Variants in BAHCC1 observed in about 807,000 individuals in gnomAD.
BAHCC1 encodes the protein BAH and coiled-coil domain-containing protein 1.
BAHCC1 carries 43 observed loss-of-function variants against 88.2 expected under a neutral mutation model. That is an observed-to-expected ratio of 0.49 (90% CI 0.38 to 0.63). BAHCC1 has a LOEUF of 0.63. BAHCC1 is among the 20% of genes least tolerant of loss of function. The probability of loss-of-function intolerance (pLI) is 0.00; values close to 1 mark genes in which losing one functional copy is unlikely to be tolerated. For synonymous variants in BAHCC1, 1,510 were observed against 745.5 expected (o/e 2.03, Z -16.71); for missense variants, 3,023 against 1,654.8 (o/e 1.83, Z -14.34).
chr17:81,455,736 C>T (rs185686827), intron 15 of BAHCC1, among the ~76,000 whole-genome samples: 3 of 151,886 alleles, frequency 2.0e-5, no homozygotes, highest in African/African-American at 4.8e-5. Flanking sequence ...CTTGGTGTGG[C>T]GGGGGCTCCT....
rs2030619192 is a variant in BAHCC1, at chr17:81,465,169, GC to G, written c.*1356del. 1 of 152,350 alleles carries G rather than the reference GC, an allele frequency of 6.6e-6. No individual in the cohort carries two copies. Among genetic ancestry groups the G allele is most frequent in the Non-Finnish European group, 1.5e-5 (1 of 68,134 alleles). The allele number at this position is 152,350 out of a possible 1,614,324, so 9.4% of individuals were successfully genotyped here. The stretch of plus-strand genomic sequence containing the variant: ...AACGCAGGCCCTGCCCTTGGGGAAG[GC>G]CCCTTTCTGGGCCCCCTTTTCCACC... On this transcript the variant is annotated 3_prime_UTR_variant, in exon 28 of 28. Coordinates refer to ENST00000675386, the MANE Select transcript of BAHCC1 (RefSeq NM_001377448.1).
At chr17:81,418,761 G>A (rs2064068148) in intron 2 of BAHCC1, among the ~76,000 whole-genome samples, 1 of 149,098 alleles carries the variant, frequency 6.7e-6, no homozygotes, top group Non-Finnish European at 1.5e-5. Context: ...ACGTGTGTGT[G>A]TGTACGTGTG....
At position 81,435,792 on chromosome 17, in the gene BAHCC1, C is replaced by T. The variant is rs868988460; in HGVS notation, c.359-2578C>T. ...GATGCCTGTGTGTCCCCGGCCCGGC[C>T]GCAGCAGCCCTGCCTTCCCCCACTC... On this transcript the variant is annotated intron_variant, in intron 3 of 27. Coordinates refer to ENST00000675386, the MANE Select transcript of BAHCC1 (RefSeq NM_001377448.1). The surrounding 1 kb of genome is among the most constrained non-coding windows in gnomAD (Gnocchi z 4.4). Among the ~76,000 whole-genome samples, 9 of 151,990 alleles carry T rather than the reference C, an allele frequency of 5.9e-5. No homozygotes were observed. The South Asian group carries it at 1.2e-3, about 21-fold the overall frequency.
intron 1 of BAHCC1, among the ~76,000 whole-genome samples, chr17:81,397,707 C>T (rs1220741665): frequency 6.6e-6 from 1 of 152,176 alleles, no homozygotes; most frequent in Non-Finnish European, 1.5e-5. Context: ...CCCTGGCGGC[C>T]GGGCGCTCGC....
At chr17:81,456,624 G>C in intron 16 of BAHCC1, 39 bp downstream of exon 16, 1 of 675,194 alleles carries the variant, frequency 1.5e-6, no homozygotes, top group Non-Finnish European at 2.7e-6. Context: ...CAGGAGCCCC[G>C]GTCATGGTCG....
In BAHCC1 at chr17:81,447,183, G is replaced by C; in HGVS notation, c.3311G>C (p.Gly1104Ala). The C allele has an allele frequency of 1.3e-6, 1 of 769,710 alleles. No individual in the cohort carries two copies. The highest frequency in any genetic ancestry group is 2.4e-5 in the East Asian group (1 of 41,190). 47.7% of individuals were successfully genotyped at this position (769,710 alleles called of 1,614,324 possible). Residue 1104 changes from glycine to alanine, a missense_variant, in exon 11 of 28, where the codon GGG (glycine) becomes GCG (alanine). By Grantham distance (60) the Gly-to-Ala change is moderately conservative. Coordinates refer to ENST00000675386, the MANE Select transcript of BAHCC1 (RefSeq NM_001377448.1). ...GAGCCCACAAGGACATTCCTGCCTG[G>C]GGAGCCGCCTCCCTGCAGCCCCAGG... is the stretch of plus-strand genomic sequence containing the variant. Reference protein sequence around the residue: ...QPEPTRTFLPGEPPPCSPRSL... With the variant: ...QPEPTRTFLPAEPPPCSPRSL...
intron 2 of BAHCC1, chr17:81,402,998 G>A (rs2063835625): frequency 6.6e-6 from 1 of 152,224 alleles, no homozygotes; most frequent in Admixed American, 6.5e-5. Context: ...TTCAGTGTTA[G>A]ATTTTGTCTC....
Position 81,442,895 on chromosome 17 carries a change from G to A in BAHCC1, c.1546G>A (p.Ala516Thr), listed in dbSNP as rs2064449530. 2 of 779,150 alleles carry A rather than the reference G, an allele frequency of 2.6e-6. No individual in the cohort carries two copies. Among genetic ancestry groups the A allele is most frequent in the African/African-American group, 3.4e-5 (2 of 59,152 alleles). The allele number at this position is 779,150 out of a possible 1,614,324, so 48.3% of individuals were successfully genotyped here. A position where few individuals can be genotyped will look rare whatever the true frequency, so the allele number is the denominator to read the frequency against. ...PGHQDPLGGK[A>T]PQACCTLDKT... is the part of the protein sequence containing the mutation. Reference sequence around the variant, plus strand: ...TCACCAGGACCCGCTGGGCGGGAAGGCCCCCCAGGCCTGCTGCACTTTAGA... The same window carrying A: ...TCACCAGGACCCGCTGGGCGGGAAGACCCCCCAGGCCTGCTGCACTTTAGA... The change falls in exon 5 of 28, where the codon GCC becomes ACC. Residue 516 changes from alanine (A) to threonine (T), a missense_variant. Transcript: ENST00000675386.
At chr17:81,417,652 C>T (rs1483197195) in intron 2 of BAHCC1, among the ~76,000 whole-genome samples, 4 of 146,654 alleles carry the variant, frequency 2.7e-5, no homozygotes, top group Non-Finnish European at 5.9e-5. Flanking sequence ...TCTGGGCTGT[C>T]GGTGGCTGAG....
At chr17:81,413,750 G>C (rs61140632) in intron 2 of BAHCC1, among the ~76,000 whole-genome samples, 2 of 152,168 alleles carry the variant, frequency 1.3e-5, no homozygotes, top group Non-Finnish European at 2.9e-5. Flanking sequence ...GCGCGGGTGC[G>C]TGACCCTGGC....
At chr17:81,437,243 G>C (rs2064349089) in intron 3 of BAHCC1, among the ~76,000 whole-genome samples, 1 of 152,238 alleles carries the variant, frequency 6.6e-6, no homozygotes, top group African/African-American at 2.4e-5. Context: ...ACAGAAGGCT[G>C]CCAGACCCCC....
In BAHCC1 at chr17:81,435,893, C is replaced by A. The variant is rs1272700580; in HGVS notation, c.359-2477C>A. ...GCAGCCCTGCCTTCTGGCTTCTGGC[C>A]TCAGAACAGCTGCTCTGATTCATAA... On this transcript the variant is annotated intron_variant, in intron 3 of 27. Transcript: ENST00000675386. This position sits in a 1 kb window ranked among gnomAD's most constrained non-coding sequence, Gnocchi z 4.4. 1.3e-5 allele frequency among the ~76,000 whole-genome samples: 2 copies of A among 152,188 alleles called. No individual in the cohort carries two copies. The highest frequency in any genetic ancestry group is 2.9e-5 in the Non-Finnish European group (2 of 68,028).
At chr17:81,421,203 G>C (rs1336799711) in intron 2 of BAHCC1, among the ~76,000 whole-genome samples, 3 of 152,346 alleles carry the variant, frequency 2.0e-5, no homozygotes, top group Non-Finnish European at 4.4e-5. Context: ...CACTTCCTTT[G>C]CCAAGAGGAA....
chr17:81,403,966 C>G (rs964910079), intron 2 of BAHCC1, among the ~76,000 whole-genome samples: 1 of 152,252 alleles, frequency 6.6e-6, no homozygotes, highest in African/African-American at 2.4e-5. Context: ...TAGGAATATC[C>G]AGGTCACGTG....
intron 3 of BAHCC1, among the ~76,000 whole-genome samples, chr17:81,436,229 C>G (rs1407020033): frequency 2.0e-5 from 3 of 152,238 alleles, no homozygotes; most frequent in African/African-American, 7.2e-5. Flanking sequence ...TCTTCGGGCC[C>G]TGGCCAGTGC....
chr17:81,424,678 A>ATGGTGG (rs1192769383), intron 2 of BAHCC1, among the ~76,000 whole-genome samples: 2 of 146,304 alleles, frequency 1.4e-5, no homozygotes, highest in African/African-American at 5.1e-5. Context: ...GGTTGGGGGC[A>ATGGTGG]TGGTGGTGGA....
Position 81,448,804 on chromosome 17 carries a change from C to T in BAHCC1, c.3976+956C>T, listed in dbSNP as rs573730039. ...CTCGGGGGTATCTGGCCCAGAGTCC[C>T]TGCTTCTGGGTGGGGCTGTGCAGAG... On this transcript the variant is annotated intron_variant, in intron 11 of 27. Coordinates refer to ENST00000675386, the MANE Select transcript of BAHCC1 (RefSeq NM_001377448.1). Among the ~76,000 whole-genome samples, 4 of 152,274 alleles carry T rather than the reference C, an allele frequency of 2.6e-5. No individual in the cohort carries two copies. The East Asian group carries it at 7.7e-4, about 29-fold the overall frequency.
Position 81,447,377 on chromosome 17 carries a change from G to A in BAHCC1, c.3505G>A (p.Glu1169Lys), listed in dbSNP as rs1042808280. 2 of 736,512 alleles carry A rather than the reference G, an allele frequency of 2.7e-6. No homozygotes were observed. Among genetic ancestry groups the A allele is most frequent in the Non-Finnish European group, 5.0e-6 (2 of 396,678 alleles). The allele number at this position is 736,512 out of a possible 1,614,324, so 45.6% of individuals were successfully genotyped here. Residue 1169 changes from glutamate (E) to lysine (K), a missense_variant, in exon 11 of 28, where the codon GAG (glutamate) becomes AAG (lysine). Glu to Lys is a moderately conservative substitution (Grantham distance 56). Coordinates refer to ENST00000675386, the MANE Select transcript of BAHCC1 (RefSeq NM_001377448.1). Reference protein sequence around the residue: ...CAALLEAGGPEATGQAHSTQG... With the variant: ...CAALLEAGGPKATGQAHSTQG... ...GGCCCTCCTGGAGGCAGGGGGCCCC[G>A]AGGCCACCGGCCAGGCTCATTCTAC...
chr17:81,452,427 G>T (rs1177131057), intron 13 of BAHCC1, among the ~76,000 whole-genome samples: 1 of 151,918 alleles, frequency 6.6e-6, no homozygotes, highest in Non-Finnish European at 1.5e-5. Context: ...GGAGGACTGG[G>T]GGTGCTGTGG....
Sources: gnomAD v4.1 joint callset for allele counts (sites outside exome capture counted in the v4.1 genomes callset) on GRCh38, gnomAD v4.1.1 for gene constraint, Gnocchi (gnomAD v3.1) non-coding constraint, MANE v1.5 for transcripts, NCBI Gene and HGNC (gene_info 2026-07-23, HGNC 2026-07-21) for gene names.